The following SHISA9 variants were observed in gnomAD, a reference collection of about 807,000 sequenced individuals.
SHISA9 encodes the protein protein shisa-9.
Under a neutral mutation model 38.0 loss-of-function variants are expected in SHISA9, and 13 were observed. That is an observed-to-expected ratio of 0.34 (90% CI 0.22 to 0.54). The LOEUF (loss-of-function observed/expected upper bound fraction) is 0.54. Among genes scored for constraint, SHISA9 ranks in the 20% least tolerant of loss-of-function variants. The probability of loss-of-function intolerance (pLI) is 0.91; values close to 1 mark genes in which losing one functional copy is unlikely to be tolerated. For missense variants in SHISA9, 538 were observed against 575.8 expected, an observed-to-expected ratio of 0.93 and a Z score of 0.67; for synonymous variants, 275 against 242.0, an observed-to-expected ratio of 1.14 and a Z score of -1.27.
intron 2 of SHISA9, among the ~76,000 whole-genome samples, chr16:13,070,251 T>C (rs544228372): frequency 2.4e-4 from 37 of 152,204 alleles, no homozygotes; most frequent in Middle Eastern, 3.4e-3. Flanking sequence ...GTGCCCCTCA[T>C]GTTGCTCTGT....
chr16:13,430,922 A>G, the SHISA9 span, among the ~76,000 whole-genome samples: 1 of 9,844 alleles, frequency 1.0e-4, no homozygotes, highest in Non-Finnish European at 2.1e-4. Context: ...CTGTTTCTAG[A>G]AAAAAAAAAA....
intron 4 of SHISA9, among the ~76,000 whole-genome samples, chr16:13,225,957 G>C (rs2051275140): frequency 6.6e-6 from 1 of 152,228 alleles, no homozygotes; most frequent in African/African-American, 2.4e-5. Context: ...GAGAGGGCCA[G>C]TGTTGTTGAA....
At chr16:13,085,581 G>C (rs2073701469) in intron 2 of SHISA9, among the ~76,000 whole-genome samples, 1 of 152,198 alleles carries the variant, frequency 6.6e-6, no homozygotes, top group Non-Finnish European at 1.5e-5. Flanking sequence ...CGCCTGCCCA[G>C]GGTTCAAGGC....
chr16:13,000,641 C>T (rs974356798), intron 2 of SHISA9, among the ~76,000 whole-genome samples: 9 of 152,148 alleles, frequency 5.9e-5, no homozygotes, highest in African/African-American at 1.9e-4. Flanking sequence ...AAGGGGTCCC[C>T]AGGAGCCTGA....
chr16:13,206,915 A>G (rs1258070799), intron 3 of SHISA9, among the ~76,000 whole-genome samples: 1 of 152,254 alleles, frequency 6.6e-6, no homozygotes, highest in Admixed American at 6.5e-5. Flanking sequence ...GAGTCACGGC[A>G]TCTTTGCCAG....
chr16:13,394,106 G>A, the SHISA9 span, among the ~76,000 whole-genome samples: 1 of 152,196 alleles, frequency 6.6e-6, no homozygotes, highest in Non-Finnish European at 1.5e-5. Flanking sequence ...GAGGCTGTAA[G>A]AAGCATTACG....
chr16:13,173,757 A>C (rs2050708750), intron 2 of SHISA9, among the ~76,000 whole-genome samples: 1 of 152,170 alleles, frequency 6.6e-6, no homozygotes, highest in Admixed American at 6.6e-5. Flanking sequence ...CTAATGGAGA[A>C]GACAAATGAA....
At chr16:13,326,491 T>G in the SHISA9 span, among the ~76,000 whole-genome samples, 1 of 152,112 alleles carries the variant, frequency 6.6e-6, no homozygotes, top group South Asian at 2.1e-4. Context: ...GAGGATGAGG[T>G]AGGTGGATCA....
chr16:13,365,173 C>T, the SHISA9 span, among the ~76,000 whole-genome samples: 1 of 152,202 alleles, frequency 6.6e-6, no homozygotes, highest in Non-Finnish European at 1.5e-5. Context: ...CCTAGCATCA[C>T]CTCATGGAGA....
the SHISA9 span, among the ~76,000 whole-genome samples, chr16:13,487,375 C>T: frequency 1.3e-5 from 2 of 152,210 alleles, no homozygotes. Context: ...TAAGCATCTG[C>T]TTCTGGCGAG....
chr16:13,067,009 C>T (rs945787810), intron 2 of SHISA9, among the ~76,000 whole-genome samples: 3 of 152,160 alleles, frequency 2.0e-5, no homozygotes, highest in African/African-American at 7.2e-5. Context: ...TCCCCTAGAG[C>T]TTTAAATGCT....
intron 2 of SHISA9, among the ~76,000 whole-genome samples, chr16:12,957,497 G>T (rs1457187576): frequency 2.0e-5 from 3 of 152,156 alleles, no homozygotes; most frequent in East Asian, 1.9e-4. Flanking sequence ...AGGGAGCAGA[G>T]AGGGAAGTAA....
the SHISA9 span, among the ~76,000 whole-genome samples, chr16:13,530,638 C>G: frequency 6.6e-6 from 1 of 151,970 alleles, no homozygotes; most frequent in African/African-American, 2.4e-5. Flanking sequence ...GACAACACCA[C>G]CTACCTATAG....
chr16:13,314,526 C>A, the SHISA9 span, among the ~76,000 whole-genome samples: 2 of 152,074 alleles, frequency 1.3e-5, no homozygotes, highest in East Asian at 1.9e-4. Flanking sequence ...AGTCATGAAC[C>A]ACCACGCCCA....
chr16:13,056,066 C>T (rs1388178249), intron 2 of SHISA9, among the ~76,000 whole-genome samples: 1 of 152,166 alleles, frequency 6.6e-6, no homozygotes, highest in Non-Finnish European at 1.5e-5. Context: ...GGGCAGAGAC[C>T]CAGCATGGAC....
intron 1 of SHISA9, among the ~76,000 whole-genome samples, chr16:12,903,751 TTCTCTACCC>T (rs1283399558): frequency 6.6e-6 from 1 of 152,018 alleles, no homozygotes; most frequent in East Asian, 2.0e-4. Flanking sequence ...CGCTGTATTT[TTCTCTACCC>T]TCTCCCCACC....
intron 2 of SHISA9, among the ~76,000 whole-genome samples, chr16:13,073,794 G>T (rs1343454968): frequency 6.6e-6 from 1 of 152,118 alleles, no homozygotes; most frequent in Non-Finnish European, 1.5e-5. Context: ...GAACGAGGCG[G>T]ATACAAGCCA....
At chr16:12,926,157 A>G (rs1219432870) in intron 2 of SHISA9, among the ~76,000 whole-genome samples, 1 of 152,242 alleles carries the variant, frequency 6.6e-6, no homozygotes, top group Admixed American at 6.5e-5. Context: ...TTTGCTGAGT[A>G]ATTCAAACCA....
At chr16:13,271,654 G>T in the SHISA9 span, among the ~76,000 whole-genome samples, 1 of 152,170 alleles carries the variant, frequency 6.6e-6, no homozygotes, top group Admixed American at 6.6e-5. Flanking sequence ...CCACCAAATT[G>T]CATGATTCTA....
Sources: allele counts gnomAD v4.1 joint callset (sites outside exome capture counted in the v4.1 genomes callset), GRCh38; gene constraint gnomAD v4.1.1; transcripts MANE v1.5; gene names NCBI Gene and HGNC (gene_info 2026-07-23, HGNC 2026-07-21).